Variants in GUCY2D observed in about 807,000 individuals in gnomAD.
GUCY2D encodes guanylate cyclase 2D, retinal, also known as retinal guanylyl cyclase 1.
Under a neutral mutation model 101.3 loss-of-function variants are expected in GUCY2D, and 70 were observed. The observed-to-expected ratio is 0.69, with a 90% confidence interval of 0.57 to 0.84. The LOEUF is 0.84. GUCY2D is among the 40% of genes least tolerant of loss of function. GUCY2D has a pLI of 0.00. For synonymous variants in GUCY2D, 688 were observed against 670.7 expected (o/e 1.03, Z -0.40); for missense variants, 1,460 against 1,542.5 (o/e 0.95, Z 0.90).
In GUCY2D at chr17:8,003,255, C is replaced by T. The variant is rs1975666241; in HGVS notation, c.208C>T (p.Arg70Trp). ...GPWACDPIFS[R>W]ARPDLAARLA... ...CTGGGCTTGCGACCCCATCTTCTCT[C>T]GGGCTCGCCCGGACCTGGCCGCCCG... The change falls in exon 2 of 20, where the codon CGG becomes TGG. Residue 70 changes from arginine to tryptophan, a missense_variant. Transcript: ENST00000254854. 1.3e-6 allele frequency: 2 copies of T among 1,511,554 alleles called. No homozygotes were observed. The highest frequency in any genetic ancestry group is 2.5e-5 in the South Asian group (2 of 80,692). The allele number at this position is 1,511,554 out of a possible 1,614,324, so 93.6% of individuals were successfully genotyped here.
chr17:8,014,873 C>T lies in GUCY2D; in HGVS notation c.2591C>T (p.Ala864Val). 1.2e-6 allele frequency: 2 copies of T among 1,614,098 alleles called. No homozygotes were observed. Among genetic ancestry groups the T allele is most frequent in the Non-Finnish European group, 1.7e-6 (2 of 1,180,006 alleles). Residue 864 changes from alanine (A) to valine (V), a missense_variant, in exon 14 of 20, where the codon GCC becomes GTC. Physicochemically the swap from Ala to Val is moderately conservative, Grantham distance 64. Transcript: ENST00000254854. The surrounding 1 kb of genome is among the most constrained non-coding windows in gnomAD (Gnocchi z 4.0). ...GCCATCCCTAGGTCTGTGGCTGAGG[C>T]CTTGAAGACGGGGACACCAGTGGAG... ...TQMLPPSVAE[A>V]LKTGTPVEPE...
chr17:8,013,236 G>A lies in GUCY2D; in HGVS notation c.2247G>A (p.Leu749=), dbSNP rs746893543. The A allele has an allele frequency of 3.1e-6, 5 of 1,614,120 alleles. No homozygotes were observed. The highest frequency in any genetic ancestry group is 1.1e-5 in the South Asian group (1 of 91,076). Residue 749 remains leucine (L), a synonymous_variant, in exon 11 of 20, where the codon CTG becomes CTA. Coordinates refer to ENST00000254854, the MANE Select transcript of GUCY2D (RefSeq NM_000180.4). The surrounding 1 kb of genome is among the most constrained non-coding windows in gnomAD (Gnocchi z 5.0). ...GCCGCAGTGCCCCTTATGCCATGCTGGAGCTCACTCCCGAGGGTAAGGCTG... is the reference window on the plus strand; with the variant it reads ...GCCGCAGTGCCCCTTATGCCATGCTAGAGCTCACTCCCGAGGGTAAGGCTG... The part of the protein sequence containing the change: ...VVCRSAPYAM[L]ELTPEEVVQR...
chr17:8,008,110 C>T (rs1469914035), intron 7 of GUCY2D, 78 bp downstream of exon 7: 2 of 856,988 alleles, frequency 2.3e-6, no homozygotes, highest in African/African-American at 3.3e-5. Flanking sequence ...GGCGCACTCT[C>T]AGGAGGACAT....
At chr17:8,009,466 T>G (rs1418308437) in intron 7 of GUCY2D, 40 bp from the exon 8 acceptor site, 3 of 1,346,576 alleles carry the variant, frequency 2.2e-6, no homozygotes, top group Non-Finnish European at 3.2e-6. Context: ...CGTGGGATTT[T>G]AAGAGACTGA....
chr17:8,003,413 G>C lies in GUCY2D; in HGVS notation c.366G>C (p.Ser122=), dbSNP rs1975671932. The stretch of plus-strand genomic sequence containing the variant: ...TGTCCTCCGCGCTGGCCCGCGTGTC[G>C]GGCCTCGTGGGTCCGGTGAACCCTG... ...GAVSSALARV[S]GLVGPVNPAA... The change falls in exon 2 of 20, where the codon TCG becomes TCC. Residue 122 remains serine, a synonymous_variant. Coordinates refer to ENST00000254854, the MANE Select transcript of GUCY2D (RefSeq NM_000180.4). 2.7e-6 allele frequency: 4 copies of C among 1,497,150 alleles called. No individual in the cohort carries two copies. Among genetic ancestry groups the C allele is most frequent in the East Asian group, 2.8e-5 (1 of 36,260 alleles). The allele number at this position is 1,497,150 out of a possible 1,614,324, so 92.7% of individuals were successfully genotyped here.
In GUCY2D at chr17:8,002,844, G is replaced by T; in HGVS notation, c.-10+110G>T. 1 of 535,198 alleles carries T rather than the reference G, an allele frequency of 1.9e-6. No homozygotes were observed. Among genetic ancestry groups the T allele is most frequent in the Non-Finnish European group, 3.3e-6 (1 of 306,970 alleles). The allele number at this position is 535,198 out of a possible 1,614,324, so 33.2% of individuals were successfully genotyped here. A position where few individuals can be genotyped will look rare whatever the true frequency, so the allele number is the denominator to read the frequency against. On this transcript the variant is annotated intron_variant, in intron 1 of 19. Coordinates refer to ENST00000254854, the MANE Select transcript of GUCY2D (RefSeq NM_000180.4). This position sits in a 1 kb window ranked among gnomAD's most constrained non-coding sequence, Gnocchi z 4.9. Reference sequence around the variant, plus strand: ...GGGGAGGGGCAGGCCGGGTGGGAGCGGGAAGCCGGGGCGGCAGAAGGGGGC... The same window carrying T: ...GGGGAGGGGCAGGCCGGGTGGGAGCTGGAAGCCGGGGCGGCAGAAGGGGGC...
chr17:8,003,461 G>C lies in GUCY2D; in HGVS notation c.414G>C (p.Leu138=). 2 of 1,521,964 alleles carry C rather than the reference G, an allele frequency of 1.3e-6. No homozygotes were observed. Among genetic ancestry groups the C allele is most frequent in the Non-Finnish European group, 1.8e-6 (2 of 1,141,400 alleles). 94.3% of individuals were successfully genotyped at this position (1,521,964 alleles called of 1,614,324 possible). A position where few individuals can be genotyped will look rare whatever the true frequency, so the allele number is the denominator to read the frequency against. The part of the protein sequence containing the change: ...VNPAACRPAE[L]LAEEAGIALV... ...CTGCGGCCTGCCGGCCAGCCGAGCT[G>C]CTCGCCGAAGAAGCCGGGATCGCGC... Residue 138 remains leucine (L), a synonymous_variant, in exon 2 of 20, where the codon CTG becomes CTC. Transcript: ENST00000254854.
chr17:8,016,686 C>T, intron 19 of GUCY2D, 132 bp downstream of exon 19: 1 of 598,476 alleles, frequency 1.7e-6, no homozygotes, highest in East Asian at 2.8e-5. Flanking sequence ...CCCGGGGCTT[C>T]CCCTGGGAGG....
At chr17:8,003,831 G>A (rs1975686211) in intron 2 of GUCY2D, 21 bp from the exon 3 acceptor site, 8 of 1,608,762 alleles carry the variant, frequency 5.0e-6, no homozygotes, top group Non-Finnish European at 6.8e-6. Context: ...ACGGCGCCGC[G>A]AGCCAAGCCT....
Position 8,014,258 on chromosome 17 carries a change from T to C in GUCY2D, c.2412+230T>C. On this transcript the variant is annotated intron_variant, in intron 12 of 19. Transcript: ENST00000254854. The surrounding 1 kb of genome is among the most constrained non-coding windows in gnomAD (Gnocchi z 4.0). Reference sequence around the variant, plus strand: ...TGTCTGGGTGGGAGGAATATTCAATTCAATTCAAATAACACTGATTGAGAA... The same window carrying C: ...TGTCTGGGTGGGAGGAATATTCAATCCAATTCAAATAACACTGATTGAGAA... The C allele has an allele frequency of 1.6e-6, 1 of 613,164 alleles. No individual in the cohort carries two copies. Among genetic ancestry groups the C allele is most frequent in the Non-Finnish European group, 2.9e-6 (1 of 344,796 alleles). The allele number at this position is 613,164 out of a possible 1,614,324, so 38.0% of individuals were successfully genotyped here.
At chr17:8,015,197 C>G in intron 14 of GUCY2D, 131 bp from the exon 15 acceptor site, 1 of 1,072,352 alleles carries the variant, frequency 9.3e-7, no homozygotes, top group Non-Finnish European at 1.4e-6. Flanking sequence ...CCTCCAGTCC[C>G]CAGCTCAGTC....
chr17:8,010,495 A>T (rs34922798), intron 8 of GUCY2D, among the ~76,000 whole-genome samples: 16,297 of 152,084 alleles, frequency 0.11, 1,057 homozygotes, highest in African/African-American at 0.17. Flanking sequence ...CTCGATCACC[A>T]TTTAATACCA....
intron 5 of GUCY2D, 79 bp from the exon 6 acceptor site, chr17:8,007,347 A>G (rs1975765054): frequency 9.5e-7 from 1 of 1,054,142 alleles, no homozygotes; most frequent in Non-Finnish European, 1.5e-6. Context: ...AGCCAACGTT[A>G]TCCCTCCCCC....
At chr17:8,007,232 A>G in intron 5 of GUCY2D, 88 bp downstream of exon 5, 1 of 1,079,430 alleles carries the variant, frequency 9.3e-7, no homozygotes, top group Non-Finnish European at 1.4e-6. Flanking sequence ...TTCACTCAGG[A>G]GTAGAGGAGG....
chr17:8,004,186 C>A (rs755071207), intron 3 of GUCY2D, 30 bp downstream of exon 3: 24 of 1,561,308 alleles, frequency 1.5e-5, no homozygotes, highest in Non-Finnish European at 2.1e-5. Context: ...GGGAAGAAGG[C>A]AAGGGAGAGG....
At chr17:8,007,726 C>A (rs543329741) in intron 6 of GUCY2D, among the ~76,000 whole-genome samples, 198 bp downstream of exon 6, 1 of 152,124 alleles carries the variant, frequency 6.6e-6, no homozygotes. Context: ...ACTTTCCTGG[C>A]GGGGAGGTGA....
In GUCY2D at chr17:8,006,573, C is replaced by G; in HGVS notation, c.1237C>G (p.Arg413Gly). 6.8e-6 allele frequency: 11 copies of G among 1,613,492 alleles called. No homozygotes were observed. The highest frequency in any genetic ancestry group is 9.3e-6 in the Non-Finnish European group (11 of 1,180,008). Reference sequence around the variant, plus strand: ...GCTAGACACGGACGCGGCGGGAGACCGGCTTTTTGCCACATACATGCTGGA... The same window carrying G: ...GCTAGACACGGACGCGGCGGGAGACGGGCTTTTTGCCACATACATGCTGGA... ...VLLDTDAAGDRLFATYMLDPA... is the reference protein window; with the variant it reads ...VLLDTDAAGDGLFATYMLDPA... Residue 413 changes from arginine to glycine, a missense_variant, in exon 4 of 20, where the codon CGG (arginine) becomes GGG (glycine). Physicochemically the swap from Arg to Gly is moderately radical, Grantham distance 125. This residue lies in a region of GUCY2D where 1,196 missense variants were observed against 1,229.6 expected (regional missense o/e 0.97). Transcript: ENST00000254854.
Position 8,014,808 on chromosome 17 carries a change from C to T in GUCY2D, c.2576+44C>T. 6.2e-7 allele frequency: 1 copy of T among 1,607,784 alleles called. No homozygotes were observed. The highest frequency in any genetic ancestry group is 1.1e-5 in the South Asian group (1 of 90,938). ...GGGTGGGCTGGGAGGGCAGCTGGAG[C>T]CCAGCCAGGTAGAGTGGCCCCCAGG... On this transcript the variant is annotated intron_variant, in intron 13 of 19. Coordinates refer to ENST00000254854, the MANE Select transcript of GUCY2D (RefSeq NM_000180.4). This position sits in a 1 kb window ranked among gnomAD's most constrained non-coding sequence, Gnocchi z 4.0.
In GUCY2D at chr17:8,009,547, C is replaced by T. The variant is rs1439575120; in HGVS notation, c.1710C>T (p.His570=). 1 of 1,613,844 alleles carries T rather than the reference C, an allele frequency of 6.2e-7. No individual in the cohort carries two copies. Among genetic ancestry groups the T allele is most frequent in the African/African-American group, 1.3e-5 (1 of 75,038 alleles). ...TGAAGAAATTCCCAGGGGATCAGCA[C>T]ATAGCTATCCGCCCAGCAACCAAGA... ...VWLKKFPGDQ[H]IAIRPATKTA... Residue 570 remains histidine, a synonymous_variant, in exon 8 of 20, where the codon CAC becomes CAT. Transcript: ENST00000254854.
Sources: gnomAD v4.1 joint callset for allele counts (sites outside exome capture counted in the v4.1 genomes callset) on GRCh38, gnomAD v4.1.1 for gene constraint, gnomAD v4.1.1 regional missense constraint, Gnocchi (gnomAD v3.1) non-coding constraint, MANE v1.5 for transcripts, NCBI Gene and HGNC (gene_info 2026-07-23, HGNC 2026-07-21) for gene names.